The following ASCC1 variants were observed in gnomAD, a reference collection of about 807,000 sequenced individuals.
The protein encoded by ASCC1 is activating signal cointegrator 1 complex subunit 1.
A neutral mutation model predicts 46.6 loss-of-function variants in ASCC1; 35 were observed. The ratio of observed to expected loss-of-function variants is 0.75; its 90% CI spans 0.57 to 0.99. The LOEUF (loss-of-function observed/expected upper bound fraction) is 0.99. Among genes scored for constraint, ASCC1 ranks in the 50% least tolerant of loss-of-function variants. The probability of loss-of-function intolerance (pLI) is 0.00; values close to 1 mark genes in which losing one functional copy is unlikely to be tolerated. For synonymous variants in ASCC1, 143 were observed against 146.6 expected, an observed-to-expected ratio of 0.98 and a Z score of 0.18; for missense variants, 376 against 428.7, an observed-to-expected ratio of 0.88 and a Z score of 1.09.
chr10:72,212,949 TATG>T lies in ASCC1; in HGVS notation c.112+235_112+237del, dbSNP rs111345147. ...TTAATATTAACAACTAAAATTTCTCTATGATATTTAAACCTCTGTACAAAGAAG... is the reference window on the plus strand; with the variant it reads ...TTAATATTAACAACTAAAATTTCTCTATATTTAAACCTCTGTACAAAGAAG... On this transcript the variant is annotated intron_variant, in intron 2 of 9. Transcript: ENST00000672957. 0.078 allele frequency among the ~76,000 whole-genome samples: 11,898 copies of T among 152,170 alleles called. 1,223 individuals are homozygous for T. The highest frequency in any genetic ancestry group is 0.23 in the African/African-American group (9,469 of 41,450).
chr10:72,106,289 T>C (rs1349467119), intron 9 of ASCC1, among the ~76,000 whole-genome samples: 1 of 152,222 alleles, frequency 6.6e-6, no homozygotes, highest in Non-Finnish European at 1.5e-5. Flanking sequence ...CTTTAGAATA[T>C]AATCTGATGC....
chr10:72,164,025 C>T (rs955306079), intron 5 of ASCC1, among the ~76,000 whole-genome samples: 1 of 151,964 alleles, frequency 6.6e-6, no homozygotes, highest in African/African-American at 2.4e-5. Flanking sequence ...TGCAATGATG[C>T]GATCTTGGCT....
intron 6 of ASCC1, among the ~76,000 whole-genome samples, chr10:72,161,207 A>G (rs1849657546): frequency 6.6e-6 from 1 of 151,816 alleles, no homozygotes; most frequent in Non-Finnish European, 1.5e-5. Context: ...AAAGAAACAC[A>G]GTGTTTCTAA....
chr10:72,097,355 A>G lies in ASCC1; in HGVS notation c.1053T>C (p.Cys351=). 9 of 1,612,788 alleles carry G rather than the reference A, an allele frequency of 5.6e-6. No homozygotes were observed. The highest frequency in any genetic ancestry group is 7.6e-6 in the Non-Finnish European group (9 of 1,178,800). The part of the protein sequence containing the change: ...TVDSFGNYAS[C]GQIDFS Reference sequence around the variant, plus strand: ...CACCTCAGGAGAAGTCAATTTGTCCACAGGAAGCGTAGTTTCCAAAGCTGT... The same window carrying G: ...CACCTCAGGAGAAGTCAATTTGTCCGCAGGAAGCGTAGTTTCCAAAGCTGT... Residue 351 remains cysteine, a synonymous_variant, in exon 10 of 10, where the codon TGT becomes TGC. Coordinates refer to ENST00000672957, the MANE Select transcript of ASCC1 (RefSeq NM_001198800.3).
At chr10:72,098,295 C>CGGT (rs1452764087) in intron 9 of ASCC1, among the ~76,000 whole-genome samples, 1 of 152,164 alleles carries the variant, frequency 6.6e-6, no homozygotes, top group African/African-American at 2.4e-5. Flanking sequence ...GAGTAAAGAG[C>CGGT]GTACCTTCCT....
At chr10:72,205,002 TC>T (rs1211748007) in intron 3 of ASCC1, among the ~76,000 whole-genome samples, 2 of 152,168 alleles carry the variant, frequency 1.3e-5, no homozygotes, top group Non-Finnish European at 2.9e-5. Flanking sequence ...GGCTTTAGAA[TC>T]AAACAAACCT....
At chr10:72,150,335 CAG>C (rs1403019382) in intron 7 of ASCC1, among the ~76,000 whole-genome samples, 1 of 152,040 alleles carries the variant, frequency 6.6e-6, no homozygotes, top group Non-Finnish European at 1.5e-5. Context: ...ATTAAGATAA[CAG>C]AAACCTTATA....
chr10:72,203,837 A>G (rs1564755516), intron 3 of ASCC1, among the ~76,000 whole-genome samples: 1 of 152,204 alleles, frequency 6.6e-6, no homozygotes, highest in Non-Finnish European at 1.5e-5. Context: ...AAAGCTGGCC[A>G]GCAGGTGCAG....
chr10:72,144,507 C>G (rs1229150324), intron 7 of ASCC1, among the ~76,000 whole-genome samples: 1 of 152,216 alleles, frequency 6.6e-6, no homozygotes, highest in African/African-American at 2.4e-5. Context: ...TTTCTTCCCA[C>G]CACCTTACTT....
intron 8 of ASCC1, among the ~76,000 whole-genome samples, chr10:72,130,775 C>T (rs1640685678): frequency 6.6e-6 from 1 of 152,180 alleles, no homozygotes; most frequent in South Asian, 2.1e-4. Flanking sequence ...GTCTCACTAG[C>T]CACCTTTCAA....
At chr10:72,147,138 A>C (rs1304317436) in intron 7 of ASCC1, among the ~76,000 whole-genome samples, 1 of 151,458 alleles carries the variant, frequency 6.6e-6, no homozygotes, top group Non-Finnish European at 1.5e-5. Context: ...AAAAGTGGCT[A>C]TTGTCAGGAA....
chr10:72,170,231 T>C (rs1211961442), intron 5 of ASCC1, among the ~76,000 whole-genome samples: 2 of 152,140 alleles, frequency 1.3e-5, no homozygotes, highest in African/African-American at 2.4e-5. Flanking sequence ...TCTTCTAGAC[T>C]GCTTATCGGT....
intron 7 of ASCC1, among the ~76,000 whole-genome samples, chr10:72,149,907 C>G (rs1848124731): frequency 6.6e-6 from 1 of 152,108 alleles, no homozygotes; most frequent in Non-Finnish European, 1.5e-5. Flanking sequence ...ATCTGGCAGC[C>G]AGGCACGGTG....
At chr10:72,112,588 TA>T (rs1843034845) in intron 9 of ASCC1, among the ~76,000 whole-genome samples, 1 of 150,250 alleles carries the variant, frequency 6.7e-6, no homozygotes, top group African/African-American at 2.4e-5. Context: ...TACCACAATT[TA>T]AAAAAACAAC....
chr10:72,210,622 T>C lies in ASCC1; in HGVS notation c.212+110A>G, dbSNP rs1369760506. 6 of 823,250 alleles carry C rather than the reference T, an allele frequency of 7.3e-6. No individual in the cohort carries two copies. In the East Asian group the frequency reaches 1.6e-4, roughly 22 times the overall value. The allele number at this position is 823,250 out of a possible 1,614,324, so 51.0% of individuals were successfully genotyped here. On this transcript the variant is annotated intron_variant, in intron 3 of 9. Coordinates refer to ENST00000672957, the MANE Select transcript of ASCC1 (RefSeq NM_001198800.3). ...ATTTCAGGACATAACACTACACTAT[T>C]TTATCATTAGTAATCAAGCACTGCA...
At chr10:72,102,591 T>G (rs1841900816) in intron 9 of ASCC1, among the ~76,000 whole-genome samples, 1 of 152,194 alleles carries the variant, frequency 6.6e-6, no homozygotes, top group African/African-American at 2.4e-5. Context: ...CTTATAATGG[T>G]ATTTACCATG....
intron 9 of ASCC1, among the ~76,000 whole-genome samples, chr10:72,118,139 G>A (rs1046391538): frequency 4.0e-5 from 6 of 151,860 alleles, no homozygotes; most frequent in Admixed American, 6.6e-5. Flanking sequence ...AGGCTGAGGC[G>A]GGCAGATCAC....
At chr10:72,189,996 T>G in intron 5 of ASCC1, 1 of 757,576 alleles carries the variant, frequency 1.3e-6, no homozygotes. Context: ...TCTGATGTCA[T>G]GTGCTTTCTT....
At chr10:72,193,297 C>T (rs1010387808) in intron 5 of ASCC1, among the ~76,000 whole-genome samples, 1 of 152,022 alleles carries the variant, frequency 6.6e-6, no homozygotes, top group African/African-American at 2.4e-5. Flanking sequence ...AGAATATTAC[C>T]CAGAAATAGT....
Sources: gnomAD v4.1 joint callset for allele counts (sites outside exome capture counted in the v4.1 genomes callset) on GRCh38, gnomAD v4.1.1 for gene constraint, MANE v1.5 for transcripts, NCBI Gene and HGNC (gene_info 2026-07-23, HGNC 2026-07-21) for gene names.